FGF14: variants seen among roughly 807,000 people sequenced by gnomAD.
FGF14 encodes fibroblast growth factor 14, also known as fibroblast growth factor homologous factor 4.
In FGF14, 5 loss-of-function variants were observed where a neutral mutation model predicts 25.5. The ratio of observed to expected loss-of-function variants is 0.20; its 90% confidence interval spans 0.10 to 0.41. FGF14 has a LOEUF of 0.41. Among genes scored for constraint, FGF14 ranks in the 10% least tolerant of loss-of-function variants. The pLI is 1.00. For synonymous variants in FGF14, 138 were observed against 118.3 expected, an observed-to-expected ratio of 1.17 and a Z score of -1.08; for missense variants, 222 against 320.1, an observed-to-expected ratio of 0.69 and a Z score of 2.34.
chr13:102,106,340 G>A (rs1474908328), intron 1 of FGF14, among the ~76,000 whole-genome samples: 1 of 152,100 alleles, frequency 6.6e-6, no homozygotes, highest in Non-Finnish European at 1.5e-5. Context: ...GGAGGCCGAG[G>A]TGGGTGAATC....
At chr13:101,931,686 G>A (rs544668240) in intron 1 of FGF14, among the ~76,000 whole-genome samples, 77 of 152,178 alleles carry the variant, frequency 5.1e-4, no homozygotes, top group African/African-American at 1.8e-3. Flanking sequence ...GGTTTCCTCC[G>A]GGTGAGCCGG....
chr13:102,340,852 T>G (rs1265319577), intron 1 of FGF14, among the ~76,000 whole-genome samples: 1 of 152,172 alleles, frequency 6.6e-6, no homozygotes, highest in Non-Finnish European at 1.5e-5. Flanking sequence ...AGCAAGAATA[T>G]CCCATGCATG....
chr13:102,250,731 A>G (rs556657710), intron 1 of FGF14, among the ~76,000 whole-genome samples: 3 of 152,350 alleles, frequency 2.0e-5, no homozygotes, highest in African/African-American at 7.2e-5. Flanking sequence ...ATATGCTGAT[A>G]AACTAAGATT....
chr13:102,140,206 G>A (rs965080448), intron 1 of FGF14, among the ~76,000 whole-genome samples: 3 of 152,086 alleles, frequency 2.0e-5, no homozygotes, highest in Non-Finnish European at 4.4e-5. Context: ...TCTTTGAAAA[G>A]TTGTTCAAAA....
At chr13:101,908,480 A>T (rs144036931) in intron 1 of FGF14, among the ~76,000 whole-genome samples, 43 of 152,308 alleles carry the variant, frequency 2.8e-4, no homozygotes, top group African/African-American at 9.9e-4. Context: ...ATTAAATAGT[A>T]CTCAATAGAC....
intron 3 of FGF14, among the ~76,000 whole-genome samples, chr13:101,769,763 T>C (rs947932316): frequency 6.6e-6 from 1 of 151,818 alleles, no homozygotes; most frequent in African/African-American, 2.4e-5. Context: ...GGCAAAACAA[T>C]GGAAACAGTA....
At chr13:102,155,045 C>A (rs1268044370) in intron 1 of FGF14, among the ~76,000 whole-genome samples, 1 of 152,164 alleles carries the variant, frequency 6.6e-6, no homozygotes, top group Non-Finnish European at 1.5e-5. Flanking sequence ...GAGACTTAGA[C>A]TCCCACACAA....
chr13:101,750,580 T>C (rs1000533947), intron 3 of FGF14, among the ~76,000 whole-genome samples: 5 of 152,138 alleles, frequency 3.3e-5, no homozygotes, highest in African/African-American at 7.2e-5. Context: ...GTGACTGTTA[T>C]GTGATGTAGA....
chr13:101,730,440 A>G (rs192102292), intron 3 of FGF14, among the ~76,000 whole-genome samples: 109 of 152,322 alleles, frequency 7.2e-4, no homozygotes, highest in African/African-American at 2.5e-3. Flanking sequence ...ACAAAAAGAG[A>G]AAGACTATAA....
At chr13:102,234,630 T>C (rs1236072807) in intron 1 of FGF14, among the ~76,000 whole-genome samples, 1 of 152,212 alleles carries the variant, frequency 6.6e-6, no homozygotes, top group Non-Finnish European at 1.5e-5. Flanking sequence ...AACATTTTTT[T>C]CTGAAATGTT....
intron 1 of FGF14, among the ~76,000 whole-genome samples, chr13:102,193,638 A>G (rs2049216406): frequency 6.6e-6 from 1 of 152,214 alleles, no homozygotes; most frequent in African/African-American, 2.4e-5. Context: ...TCAAGATACT[A>G]AGGAAATGCA....
At chr13:102,216,087 CA>C (rs985067757) in intron 1 of FGF14, among the ~76,000 whole-genome samples, 3 of 152,070 alleles carry the variant, frequency 2.0e-5, no homozygotes, top group African/African-American at 7.2e-5. Flanking sequence ...GAAAGAAAAA[CA>C]AAAAACCCTA....
At chr13:102,115,271 C>T (rs926596712) in intron 1 of FGF14, among the ~76,000 whole-genome samples, 3 of 152,134 alleles carry the variant, frequency 2.0e-5, no homozygotes, top group Non-Finnish European at 4.4e-5. Context: ...CTTCCCTTCC[C>T]CGCTTGTCCC....
chr13:101,786,852 G>A (rs751049569), intron 3 of FGF14, among the ~76,000 whole-genome samples: 5 of 152,046 alleles, frequency 3.3e-5, no homozygotes, highest in African/African-American at 4.8e-5. Context: ...CATTTATATA[G>A]GCTGGTGGAA....
intron 1 of FGF14, among the ~76,000 whole-genome samples, chr13:102,356,964 TTCATATCTGTAG>T (rs2139013724): frequency 6.7e-6 from 1 of 148,992 alleles, no homozygotes; most frequent in African/African-American, 2.5e-5. Context: ...CAAACAGATA[TTCATATCTGTAG>T]ATACTTCTTA....
chr13:102,347,170 G>A (rs1326435360), intron 1 of FGF14, among the ~76,000 whole-genome samples: 2 of 152,122 alleles, frequency 1.3e-5, no homozygotes, highest in African/African-American at 4.8e-5. Flanking sequence ...TATTCCAGAA[G>A]TGGACAGGAG....
intron 3 of FGF14, among the ~76,000 whole-genome samples, chr13:101,789,140 G>A (rs771521157): frequency 2.4e-4 from 37 of 151,580 alleles, no homozygotes; most frequent in Non-Finnish European, 4.7e-4. Flanking sequence ...TTTCACTGTG[G>A]TGTACTTGAA....
intron 1 of FGF14, among the ~76,000 whole-genome samples, chr13:101,981,897 T>C (rs778139387): frequency 6.6e-6 from 1 of 152,176 alleles, no homozygotes; most frequent in African/African-American, 2.4e-5. Context: ...TAGTGGAAGA[T>C]ATTAGGCCAA....
intron 1 of FGF14, among the ~76,000 whole-genome samples, chr13:102,271,955 T>C (rs1445020335): frequency 6.6e-6 from 1 of 152,118 alleles, no homozygotes; most frequent in Non-Finnish European, 1.5e-5. Flanking sequence ...TAGTGAGGAC[T>C]CAGAAGAATC....
Sources: gnomAD v4.1 joint callset for allele counts (sites outside exome capture counted in the v4.1 genomes callset) on GRCh38, gnomAD v4.1.1 for gene constraint, MANE v1.5 for transcripts, NCBI Gene and HGNC (gene_info 2026-07-23, HGNC 2026-07-21) for gene names.